The following SMURF1 variants were observed in gnomAD, a reference collection of about 807,000 sequenced individuals.
SMURF1 encodes SMAD specific E3 ubiquitin protein ligase 1, also known as E3 ubiquitin-protein ligase SMURF1.
Under a neutral mutation model 98.0 loss-of-function variants are expected in SMURF1, and 44 were observed. The ratio of observed to expected loss-of-function variants is 0.45; its 90% CI spans 0.35 to 0.58. The LOEUF (loss-of-function observed/expected upper bound fraction) is 0.58, where lower values mean the gene tolerates loss of function less well. Among genes scored for constraint, SMURF1 ranks in the 20% least tolerant of loss-of-function variants. The probability of loss-of-function intolerance (pLI) is 0.00; values close to 1 mark genes in which losing one functional copy is unlikely to be tolerated. For synonymous variants in SMURF1, 396 were observed against 374.9 expected (o/e 1.06, Z -0.65); for missense variants, 687 against 938.4 (o/e 0.73, Z 3.50).
rs535948511 is a variant in SMURF1 at position 99,102,893 on chromosome 7, T to C, written c.55+40833A>G. On this transcript the variant is annotated intron_variant, in intron 1 of 17. Coordinates refer to ENST00000361368, the MANE Select transcript of SMURF1 (RefSeq NM_181349.3). ...CCAGGCTGGAGTACAGCAGTGCGTC[T>C]CCAGGGCTCAAGCGATCCTCCCACC... Among the ~76,000 whole-genome samples, 3 of 152,160 alleles carry C rather than the reference T, an allele frequency of 2.0e-5. No homozygotes were observed. In the South Asian group the frequency reaches 6.2e-4, roughly 32 times the overall value.
At chr7:99,035,745 TCCAAAATGCATAAA>T in intron 15 of SMURF1, 29 bp from the exon 16 acceptor site, 2 of 1,608,252 alleles carry the variant, frequency 1.2e-6, no homozygotes, top group South Asian at 2.2e-5. Flanking sequence ...GTGAATTACT[TCCAAAATGCATAAA>T]CCCACGTCAG....
chr7:99,116,754 T>C (rs1254491195), intron 1 of SMURF1, among the ~76,000 whole-genome samples: 3 of 152,214 alleles, frequency 2.0e-5, no homozygotes, highest in Non-Finnish European at 4.4e-5. Flanking sequence ...GAAGACATAA[T>C]ATTAGATGAC....
At chr7:99,109,298 A>AG (rs1023001695) in intron 1 of SMURF1, among the ~76,000 whole-genome samples, 4 of 152,188 alleles carry the variant, frequency 2.6e-5, no homozygotes, top group Non-Finnish European at 5.9e-5. Context: ...GGCAAGCCGC[A>AG]GGGCTTAGCC....
chr7:99,108,632 A>AAAAG (rs1554447372), intron 1 of SMURF1, among the ~76,000 whole-genome samples: 88 of 145,162 alleles, frequency 6.1e-4, no homozygotes, highest in African/African-American at 2.2e-3. Context: ...AAAAAAAAAA[A>AAAAG]AAAGAAAGAA....
intron 1 of SMURF1, among the ~76,000 whole-genome samples, chr7:99,086,660 C>T (rs1387218235): frequency 1.3e-5 from 2 of 152,152 alleles, no homozygotes; most frequent in Non-Finnish European, 2.9e-5. Context: ...CAGAAACAAC[C>T]CAAACGTCCA....
chr7:99,075,960 C>G (rs1280848209), intron 1 of SMURF1, among the ~76,000 whole-genome samples: 1 of 152,344 alleles, frequency 6.6e-6, no homozygotes, highest in Admixed American at 6.5e-5. Context: ...TCACTGAATT[C>G]TCACAAACTG....
intron 1 of SMURF1, among the ~76,000 whole-genome samples, chr7:99,141,652 T>C (rs1798119661): frequency 6.6e-6 from 1 of 152,214 alleles, no homozygotes; most frequent in African/African-American, 2.4e-5. Context: ...AAATCATTAT[T>C]TGATATCTTT....
chr7:99,052,627 C>G (rs1214617710), intron 6 of SMURF1, among the ~76,000 whole-genome samples, 181 bp from the exon 7 acceptor site: 1 of 152,212 alleles, frequency 6.6e-6, no homozygotes, highest in Non-Finnish European at 1.5e-5. Flanking sequence ...AACAGAAAGA[C>G]AGACTCTTCT....
chr7:99,053,809 C>T (rs554715962), intron 6 of SMURF1, among the ~76,000 whole-genome samples: 73 of 152,270 alleles, frequency 4.8e-4, no homozygotes, highest in Admixed American at 8.5e-4. Context: ...AAAATTGTGA[C>T]AGTGACCAAT....
intron 1 of SMURF1, among the ~76,000 whole-genome samples, chr7:99,101,121 A>G (rs920567408): frequency 6.6e-6 from 1 of 152,232 alleles, no homozygotes; most frequent in Admixed American, 6.5e-5. Flanking sequence ...ACTATTATTA[A>G]GTTCTGAAGA....
intron 1 of SMURF1, among the ~76,000 whole-genome samples, chr7:99,075,025 C>T (rs1796419332): frequency 6.6e-6 from 1 of 152,078 alleles, no homozygotes; most frequent in Non-Finnish European, 1.5e-5. Context: ...ACTAGAATTG[C>T]TAAAATTAAA....
intron 1 of SMURF1, among the ~76,000 whole-genome samples, chr7:99,142,786 C>A (rs2150662821): frequency 6.9e-6 from 1 of 145,710 alleles, no homozygotes; most frequent in Admixed American, 6.9e-5. Flanking sequence ...GGGGAGGGAG[C>A]AGGTGGGAGG....
intron 3 of SMURF1, 113 bp downstream of exon 3, chr7:99,060,486 T>G: frequency 1.6e-6 from 1 of 616,884 alleles, no homozygotes; most frequent in Admixed American, 3.2e-5. Context: ...CATCCGCTTT[T>G]GTTATCAATA....
chr7:99,039,065 C>T (rs998429913), intron 13 of SMURF1, among the ~76,000 whole-genome samples: 6 of 151,550 alleles, frequency 4.0e-5, no homozygotes, highest in Middle Eastern at 3.4e-3. Flanking sequence ...TGGTGGCAGG[C>T]GCCTGTAGTC....
intron 1 of SMURF1, among the ~76,000 whole-genome samples, chr7:99,098,250 T>C (rs1208242409): frequency 2.0e-5 from 3 of 152,170 alleles, no homozygotes; most frequent in Non-Finnish European, 4.4e-5. Flanking sequence ...AATTTTCTGG[T>C]AAGGTAAAGA....
intron 17 of SMURF1, among the ~76,000 whole-genome samples, chr7:99,032,167 A>G (rs557121705): frequency 6.6e-6 from 1 of 152,340 alleles, no homozygotes; most frequent in East Asian, 1.9e-4. Flanking sequence ...GGAAGACTTG[A>G]GCCTGCTGGA....
intron 11 of SMURF1, among the ~76,000 whole-genome samples, chr7:99,043,922 A>G (rs902085016): frequency 1.3e-5 from 2 of 152,206 alleles, no homozygotes; most frequent in Non-Finnish European, 2.9e-5. Flanking sequence ...GTCTCAGGAC[A>G]ACCACGGCAC....
chr7:99,033,444 A>G (rs962234785), intron 16 of SMURF1, among the ~76,000 whole-genome samples: 3 of 152,184 alleles, frequency 2.0e-5, no homozygotes, highest in African/African-American at 7.2e-5. Flanking sequence ...AGCTGGGATA[A>G]CAGGTACATG....
chr7:99,045,671 G>A (rs769082591), intron 11 of SMURF1, 27 bp downstream of exon 11: 42 of 1,567,368 alleles, frequency 2.7e-5, no homozygotes, highest in Admixed American at 2.7e-4. Context: ...CCACACAGCA[G>A]AGAAGGTGAA....
Sources: allele counts gnomAD v4.1 joint callset (sites outside exome capture counted in the v4.1 genomes callset), GRCh38; gene constraint gnomAD v4.1.1; transcripts MANE v1.5; gene names NCBI Gene and HGNC (gene_info 2026-07-23, HGNC 2026-07-21).